NFATC1: variants seen among roughly 807,000 people sequenced by gnomAD.
NFATC1 encodes nuclear factor of activated T cells 1, also known as nuclear factor of activated T-cells, cytoplasmic 1.
NFATC1 carries 22 observed loss-of-function variants against 76.0 expected under a neutral mutation model. That is an observed-to-expected ratio of 0.29 (90% CI 0.21 to 0.41). The LOEUF (loss-of-function observed/expected upper bound fraction) is 0.41. Ranked by LOEUF, NFATC1 falls within the 10% of genes least tolerant of loss-of-function variation. The pLI is 1.00. For synonymous variants in NFATC1, 704 were observed against 613.1 expected, an observed-to-expected ratio of 1.15 and a Z score of -2.19; for missense variants, 1,357 against 1,337.7, an observed-to-expected ratio of 1.01 and a Z score of -0.23.
In NFATC1 at chr18:79,528,237, T is replaced by G. The variant is rs924940903; in HGVS notation, c.*660T>G. ...CTGCGCGGTTGAAACCGTAGGCTTG[T>G]TCATAGTCGCATGCTCGCATCTTTG... On this transcript the variant is annotated 3_prime_UTR_variant, in exon 10 of 10. Coordinates refer to ENST00000427363, the MANE Select transcript of NFATC1 (RefSeq NM_001278669.2). The G allele has an allele frequency of 2.0e-5, 6 of 301,638 alleles. No individual in the cohort carries two copies. The highest frequency in any genetic ancestry group is 1.1e-4 in the African/African-American group (5 of 46,560). The allele number at this position is 301,638 out of a possible 1,614,324, so 18.7% of individuals were successfully genotyped here.
chr18:79,500,451 A>G (rs2089988610), intron 9 of NFATC1, among the ~76,000 whole-genome samples: 1 of 152,174 alleles, frequency 6.6e-6, no homozygotes, highest in African/African-American at 2.4e-5. Context: ...ATGGATTTCA[A>G]ATCAATAATC....
At position 79,509,158 on chromosome 18, in the gene NFATC1, C is replaced by T. The variant is rs61072831; in HGVS notation, c.2783-18370C>T. Among the ~76,000 whole-genome samples, 565 of 152,340 alleles carry T rather than the reference C, an allele frequency of 3.7e-3. 2 individuals are homozygous for T. The highest frequency in any genetic ancestry group is 0.013 in the African/African-American group (538 of 41,584). On this transcript the variant is annotated intron_variant, in intron 9 of 9. Transcript: ENST00000427363. ...GGTGTGTGGGCTCCGGGGAGAGGGA[C>T]GTGCTGGCCCCTGTGCAGTGGCGTG... is the stretch of plus-strand genomic sequence containing the variant.
At chr18:79,495,649 C>A (rs1387029598) in intron 9 of NFATC1, among the ~76,000 whole-genome samples, 2 of 152,248 alleles carry the variant, frequency 1.3e-5, no homozygotes, top group African/African-American at 4.8e-5. Context: ...CGGCCAGTGG[C>A]AGCAAAGAGA....
At chr18:79,468,517 C>T (rs2088634504) in intron 8 of NFATC1, 1 of 152,196 alleles carries the variant, frequency 6.6e-6, no homozygotes, top group Non-Finnish European at 1.5e-5. Flanking sequence ...TGCAGAGATT[C>T]CTGTCATCTG....
intron 1 of NFATC1, among the ~76,000 whole-genome samples, chr18:79,400,683 T>C (rs1415566497): frequency 1.7e-5 from 1 of 60,294 alleles, no homozygotes; most frequent in African/African-American, 4.4e-5. Flanking sequence ...GGCGGGGTCC[T>C]GGGGGAAGAG....
At chr18:79,463,006 C>A (rs1365591394) in intron 7 of NFATC1, among the ~76,000 whole-genome samples, 1 of 152,198 alleles carries the variant, frequency 6.6e-6, no homozygotes, top group Admixed American at 6.5e-5. Context: ...GGTGCTGGCA[C>A]CTTCACTCCC....
intron 2 of NFATC1, among the ~76,000 whole-genome samples, chr18:79,419,815 G>A (rs944274660): frequency 1.3e-5 from 2 of 152,254 alleles, no homozygotes; most frequent in Admixed American, 6.5e-5. Context: ...CCGGGCAGCC[G>A]CAGGGACTTC....
intron 6 of NFATC1, among the ~76,000 whole-genome samples, chr18:79,454,405 G>A (rs1280912682): frequency 6.6e-6 from 1 of 152,250 alleles, no homozygotes; most frequent in Non-Finnish European, 1.5e-5. Context: ...TTTAGATGGA[G>A]CGGCTCCACT....
At chr18:79,441,111 G>A (rs1453667371) in intron 3 of NFATC1, among the ~76,000 whole-genome samples, 3 of 152,234 alleles carry the variant, frequency 2.0e-5, no homozygotes, top group African/African-American at 7.2e-5. Flanking sequence ...TACACACTTG[G>A]AGCACATAGA....
At chr18:79,475,089 C>T (rs1470164229) in intron 8 of NFATC1, among the ~76,000 whole-genome samples, 4 of 106,318 alleles carry the variant, frequency 3.8e-5, no homozygotes, top group Non-Finnish European at 7.2e-5. Flanking sequence ...CACACTCACT[C>T]GACGTGAGGG....
chr18:79,443,497 G>A (rs953243788), intron 3 of NFATC1, among the ~76,000 whole-genome samples: 35 of 152,208 alleles, frequency 2.3e-4, no homozygotes, highest in African/African-American at 8.2e-4. Context: ...GAAGGGGCCT[G>A]GAGCCGTCCC....
In NFATC1 at chr18:79,524,510, G is replaced by A. The variant is rs1375419835; in HGVS notation, c.2783-3018G>A. On this transcript the variant is annotated intron_variant, in intron 9 of 9. Coordinates refer to ENST00000427363, the MANE Select transcript of NFATC1 (RefSeq NM_001278669.2). This position sits in a 1 kb window ranked among gnomAD's most constrained non-coding sequence, Gnocchi z 7.2. ...GGGCTGTGTCTGGTCCCGGCCACGCGTCCCTGCAGCGTCTGAGACCTTGTG... is the reference window on the plus strand; with the variant it reads ...GGGCTGTGTCTGGTCCCGGCCACGCATCCCTGCAGCGTCTGAGACCTTGTG... Among the ~76,000 whole-genome samples, 3 of 152,328 alleles carry A rather than the reference G, an allele frequency of 2.0e-5. No individual in the cohort carries two copies. The highest frequency in any genetic ancestry group is 2.1e-4 in the South Asian group (1 of 4,830).
At chr18:79,433,764 G>T in intron 3 of NFATC1, 26 bp downstream of exon 3, 1 of 1,598,950 alleles carries the variant, frequency 6.3e-7, no homozygotes. Context: ...AGACTCGCAC[G>T]TCACTTGGTG....
At chr18:79,443,670 G>C (rs2087076944) in intron 3 of NFATC1, among the ~76,000 whole-genome samples, 1 of 152,246 alleles carries the variant, frequency 6.6e-6, no homozygotes, top group African/African-American at 2.4e-5. Context: ...TTCCTGCCGG[G>C]CACATGGACG....
intron 8 of NFATC1, among the ~76,000 whole-genome samples, chr18:79,482,858 G>A (rs546060623): frequency 7.3e-6 from 1 of 136,404 alleles, no homozygotes; most frequent in East Asian, 2.2e-4. Flanking sequence ...GTCCTGGGGT[G>A]TAATTCCAGC....
At chr18:79,511,004 A>G (rs919651796) in intron 9 of NFATC1, among the ~76,000 whole-genome samples, 1 of 152,002 alleles carries the variant, frequency 6.6e-6, no homozygotes, top group African/African-American at 2.4e-5. Context: ...CCAGGCTGGG[A>G]GTGGTCGCTG....
chr18:79,441,399 C>T (rs972740489), intron 3 of NFATC1, among the ~76,000 whole-genome samples: 7 of 152,236 alleles, frequency 4.6e-5, no homozygotes, highest in South Asian at 4.1e-4. Flanking sequence ...CCCGTGATTT[C>T]GGTTTTGATG....
intron 2 of NFATC1, among the ~76,000 whole-genome samples, chr18:79,416,565 G>A (rs767876856): frequency 3.9e-5 from 6 of 152,250 alleles, no homozygotes; most frequent in Non-Finnish European, 5.9e-5. Context: ...GACGTGTAAG[G>A]TGGTAGCCGT....
At chr18:79,445,717 C>T (rs146490178) in intron 3 of NFATC1, among the ~76,000 whole-genome samples, 185 of 152,324 alleles carry the variant, frequency 1.2e-3, no homozygotes, top group Middle Eastern at 6.8e-3. Flanking sequence ...TTTAGGCTGA[C>T]GGCTGCTCCT....
Sources: allele counts gnomAD v4.1 joint callset (sites outside exome capture counted in the v4.1 genomes callset), GRCh38; gene constraint gnomAD v4.1.1; non-coding constraint Gnocchi (gnomAD v3.1); transcripts MANE v1.5; gene names NCBI Gene and HGNC (gene_info 2026-07-23, HGNC 2026-07-21).